The following TTC6 variants were observed in gnomAD, a reference collection of about 807,000 sequenced individuals.
TTC6 encodes tetratricopeptide repeat protein 6.
In TTC6, 172 loss-of-function variants were observed where a neutral mutation model predicts 210.4. The ratio of observed to expected loss-of-function variants is 0.82; its 90% CI spans 0.72 to 0.93. The LOEUF (loss-of-function observed/expected upper bound fraction) is 0.93. Ranked by LOEUF, TTC6 falls within the 40% of genes least tolerant of loss-of-function variation. The probability of loss-of-function intolerance (pLI) is 0.00; values close to 1 mark genes in which losing one functional copy is unlikely to be tolerated. For synonymous variants in TTC6, 804 were observed against 819.6 expected (o/e 0.98, Z 0.32); for missense variants, 2,414 against 2,318.1 (o/e 1.04, Z -0.85).
exon 15 of TTC6, chr14:37,787,586 T>A: frequency 6.6e-7 from 1 of 1,522,114 alleles, no homozygotes; most frequent in Non-Finnish European, 8.8e-7. Context: ...TCGAGGTTGC[T>A]TATTCAGAAA....
chr14:37,800,011 T>C (rs1429625194), intron 20 of TTC6, among the ~76,000 whole-genome samples: 1 of 152,172 alleles, frequency 6.6e-6, no homozygotes, highest in Non-Finnish European at 1.5e-5. Flanking sequence ...TGGCATTTTT[T>C]ATTTTTTGCA....
At chr14:37,622,382 G>T in exon 1 of TTC6, 1 of 1,531,452 alleles carries the variant, frequency 6.5e-7, no homozygotes, top group South Asian at 1.2e-5. Flanking sequence ...TGGGTGAGGC[G>T]GCGGCTCCAG....
At position 37,819,949 on chromosome 14, in the gene TTC6, C is replaced by T. The variant is rs550729560; in HGVS notation, c.4763+2298C>T. ...GTTATCATATTGCTCTAGATTTATG[C>T]GAACACATTTTATTTTAGAAAAACT... On this transcript the variant is annotated intron_variant, in intron 26 of 30. Coordinates refer to ENST00000553443, the Ensembl canonical transcript of TTC6. 6.6e-5 allele frequency among the ~76,000 whole-genome samples: 10 copies of T among 152,290 alleles called. No individual in the cohort carries two copies. The South Asian group carries it at 8.3e-4, about 13-fold the overall frequency.
chr14:37,749,608 C>T (rs61977119), intron 11 of TTC6, 106 bp from the exon 14 acceptor site: 57,492 of 1,024,852 alleles, frequency 0.056, 1,863 homozygotes, highest in South Asian at 0.063. Context: ...TTTTATGTTA[C>T]GTACATACAA....
chr14:37,683,806 CT>C (rs1325661830), intron 3 of TTC6, among the ~76,000 whole-genome samples: 1 of 151,958 alleles, frequency 6.6e-6, no homozygotes, highest in Non-Finnish European at 1.5e-5. Context: ...TGTATTAATT[CT>C]TTTCATTAAT....
chr14:37,619,321 A>G (rs1446330464), upstream of TTC6, among the ~76,000 whole-genome samples: 1 of 152,180 alleles, frequency 6.6e-6, no homozygotes, highest in Non-Finnish European at 1.5e-5. Flanking sequence ...GTTAAACGCA[A>G]TACGACTATA....
intron 6 of TTC6, among the ~76,000 whole-genome samples, chr14:37,719,071 A>G (rs566210966): frequency 6.6e-6 from 1 of 152,350 alleles, no homozygotes; most frequent in Non-Finnish European, 1.5e-5. Context: ...ATGAACATGT[A>G]CTGAAATATA....
chr14:37,688,393 G>T (rs761978321), intron 3 of TTC6, among the ~76,000 whole-genome samples: 4 of 152,126 alleles, frequency 2.6e-5, no homozygotes, highest in Admixed American at 6.6e-5. Context: ...ACATAGGTCT[G>T]GCTGGTTTTG....
At chr14:37,766,580 A>G (rs149597094) in intron 14 of TTC6, among the ~76,000 whole-genome samples, 5 of 152,272 alleles carry the variant, frequency 3.3e-5, no homozygotes, top group African/African-American at 1.2e-4. Flanking sequence ...CATGCTGTAT[A>G]TGTACCACGT....
At chr14:37,798,814 G>A (rs139367789) in intron 20 of TTC6, among the ~76,000 whole-genome samples, 3 of 152,100 alleles carry the variant, frequency 2.0e-5, no homozygotes, top group African/African-American at 7.2e-5. Context: ...ATCAGGTATT[G>A]AAATTATTAT....
upstream of TTC6, among the ~76,000 whole-genome samples, chr14:37,620,036 C>T (rs1432748023): frequency 6.6e-6 from 1 of 152,062 alleles, no homozygotes; most frequent in African/African-American, 2.4e-5. Context: ...AGTTTCAGTA[C>T]ATTTTTTTGT....
intron 1 of TTC6, among the ~76,000 whole-genome samples, chr14:37,666,013 CAACTT>C (rs1386670886): frequency 6.0e-5 from 9 of 150,774 alleles, no homozygotes; most frequent in African/African-American, 1.7e-4. Flanking sequence ...GATCACTAAA[CAACTT>C]AACACATGAA....
In TTC6 at chr14:37,647,436, G is replaced by T. The variant is rs77277823; in HGVS notation, c.939+24433G>T. Among the ~76,000 whole-genome samples, 55 of 152,288 alleles carry T rather than the reference G, an allele frequency of 3.6e-4. No homozygotes were observed. The East Asian group carries it at 0.01, about 29-fold the overall frequency. ...GTCACATTCAGCATCTACTTTGAAG[G>T]TTGCTTATGGTTTGTATGTGTGTTG... On this transcript the variant is annotated intron_variant, in intron 1 of 30. Transcript: ENST00000553443.
chr14:37,788,326 T>G (rs1194160872), intron 15 of TTC6, among the ~76,000 whole-genome samples: 1 of 152,056 alleles, frequency 6.6e-6, no homozygotes, highest in Non-Finnish European at 1.5e-5. Flanking sequence ...AGTCTAACAC[T>G]CCAGATATGC....
chr14:37,632,012 C>T (rs2095670862), intron 1 of TTC6, among the ~76,000 whole-genome samples: 1 of 152,092 alleles, frequency 6.6e-6, no homozygotes, highest in African/African-American at 2.4e-5. Context: ...TTAGCAATTC[C>T]TCTAACCTTT....
At chr14:37,730,268 T>C (rs1465590144) in intron 7 of TTC6, among the ~76,000 whole-genome samples, 1 of 152,252 alleles carries the variant, frequency 6.6e-6, no homozygotes, top group Non-Finnish European at 1.5e-5. Flanking sequence ...CTTAAACTTA[T>C]ATTTTTCAGT....
At chr14:37,739,187 G>T in intron 10 of TTC6, 32 bp downstream of exon 12, 1 of 1,458,080 alleles carries the variant, frequency 6.9e-7, no homozygotes, top group East Asian at 2.5e-5. Context: ...TATAGTTTAA[G>T]AAATATATTG....
intron 2 of TTC6, among the ~76,000 whole-genome samples, chr14:37,610,511 T>C (rs2095632540): frequency 6.6e-6 from 1 of 152,218 alleles, no homozygotes; most frequent in African/African-American, 2.4e-5. Flanking sequence ...CACTATATTA[T>C]CTAATTGGTT....
chr14:37,835,057 C>T (rs1260766846), intron 29 of TTC6, among the ~76,000 whole-genome samples: 1 of 152,058 alleles, frequency 6.6e-6, no homozygotes, highest in Non-Finnish European at 1.5e-5. Flanking sequence ...AGTCCTCAGG[C>T]CCTGAGGTAG....
Sources: allele counts gnomAD v4.1 joint callset (sites outside exome capture counted in the v4.1 genomes callset), GRCh38; gene constraint gnomAD v4.1.1; transcripts MANE v1.5; gene names NCBI Gene and HGNC (gene_info 2026-07-23, HGNC 2026-07-21).